ANK2: variants seen among roughly 807,000 people sequenced by gnomAD.
ANK2 encodes the protein ankyrin 2.
In ANK2, 83 loss-of-function variants were observed where a neutral mutation model predicts 360.5. That is an observed-to-expected ratio of 0.23 (90% CI 0.19 to 0.28). ANK2 has a LOEUF of 0.28. Ranked by LOEUF, ANK2 falls within the 10% of genes least tolerant of loss-of-function variation. The probability of loss-of-function intolerance (pLI) is 1.00; values close to 1 mark genes in which losing one functional copy is unlikely to be tolerated. For synonymous variants in ANK2, 1,740 were observed against 1,759.5 expected (o/e 0.99, Z 0.28); for missense variants, 4,201 against 4,795.7 (o/e 0.88, Z 3.66).
At chr4:113,282,325 G>T (rs185490496) in intron 17 of ANK2, among the ~76,000 whole-genome samples, 67 of 152,256 alleles carry the variant, frequency 4.4e-4, no homozygotes, top group African/African-American at 1.6e-3. Flanking sequence ...GAAAACTAAA[G>T]GTGGATATGA....
chr4:113,274,786 C>T (rs976993679), intron 15 of ANK2, 137 bp downstream of exon 15: 4 of 886,212 alleles, frequency 4.5e-6, no homozygotes, highest in South Asian at 3.0e-5. Flanking sequence ...ATTTAAGACT[C>T]ATTGTCTAAA....
At chr4:112,958,472 C>A (rs886447261) in intron 2 of ANK2, among the ~76,000 whole-genome samples, 1 of 152,148 alleles carries the variant, frequency 6.6e-6, no homozygotes, top group Non-Finnish European at 1.5e-5. Context: ...CGTGCGCCTG[C>A]AATCGCAGGC....
intron 1 of ANK2, among the ~76,000 whole-genome samples, chr4:112,855,246 C>T (rs1437117990): frequency 1.3e-5 from 2 of 152,188 alleles, no homozygotes; most frequent in African/African-American, 2.4e-5. Flanking sequence ...GCACTGCTGG[C>T]CCAGAGCTGT....
intron 4 of ANK2, among the ~76,000 whole-genome samples, chr4:113,215,865 T>C (rs2099079862): frequency 6.6e-6 from 1 of 152,182 alleles, no homozygotes; most frequent in Non-Finnish European, 1.5e-5. Context: ...TTTTCTATCT[T>C]CTATTATTTT....
intron 1 of ANK2, among the ~76,000 whole-genome samples, chr4:112,847,479 C>CT (rs1435934924): frequency 1.3e-5 from 2 of 152,154 alleles, no homozygotes; most frequent in African/African-American, 4.8e-5. Context: ...TAAAAAAACT[C>CT]TATCTTGTAT....
At chr4:113,023,763 C>A (rs950358669) in intron 2 of ANK2, among the ~76,000 whole-genome samples, 2 of 152,184 alleles carry the variant, frequency 1.3e-5, no homozygotes, top group Admixed American at 6.5e-5. Context: ...ATCTACAGCA[C>A]CTACATCAGT....
chr4:112,890,556 G>GTTT (rs754680934), intron 1 of ANK2, among the ~76,000 whole-genome samples: 876 of 67,468 alleles, frequency 0.013, 193 homozygotes, highest in East Asian at 0.046. Context: ...CATTTCTGTG[G>GTTT]TTTTTTTTTT....
intron 43 of ANK2, among the ~76,000 whole-genome samples, chr4:113,371,145 G>T (rs976994167): frequency 6.6e-6 from 1 of 152,160 alleles, no homozygotes; most frequent in East Asian, 1.9e-4. Context: ...TGAAATTTTG[G>T]GGGGCAAATA....
intron 1 of ANK2, among the ~76,000 whole-genome samples, chr4:112,895,317 C>G (rs2081399683): frequency 6.6e-6 from 1 of 152,176 alleles, no homozygotes; most frequent in Non-Finnish European, 1.5e-5. Context: ...GAACTTGATA[C>G]ACTCACCATA....
the ANK2 span, among the ~76,000 whole-genome samples, chr4:112,750,295 AG>A: frequency 1.3e-5 from 2 of 151,728 alleles, no homozygotes; most frequent in East Asian, 3.9e-4. Flanking sequence ...TGGGAGGTGG[AG>A]GTTGCAGTGA....
the ANK2 span, among the ~76,000 whole-genome samples, chr4:112,747,129 T>G: frequency 6.6e-6 from 1 of 152,212 alleles, no homozygotes; most frequent in Non-Finnish European, 1.5e-5. Flanking sequence ...TAAGTCATAA[T>G]GAAGAGTATC....
At chr4:112,711,174 G>A in the ANK2 span, among the ~76,000 whole-genome samples, 2 of 148,510 alleles carry the variant, frequency 1.3e-5, no homozygotes, top group Non-Finnish European at 3.0e-5. Flanking sequence ...GCTCACGCCT[G>A]TAATCCTAGC....
At chr4:112,989,592 A>G (rs1035581888) in intron 2 of ANK2, among the ~76,000 whole-genome samples, 1 of 152,214 alleles carries the variant, frequency 6.6e-6, no homozygotes, top group Admixed American at 6.5e-5. Context: ...TTAAGAAACA[A>G]CACAGTGGGG....
intron 1 of ANK2, among the ~76,000 whole-genome samples, chr4:112,878,153 C>CTTA (rs2075660793): frequency 5.7e-5 from 3 of 52,944 alleles, no homozygotes; most frequent in African/African-American, 3.1e-4. Context: ...TAACTTTAGA[C>CTTA]TCATCTATCT....
chr4:112,847,779 A>G (rs2063671979), intron 1 of ANK2, among the ~76,000 whole-genome samples: 1 of 152,210 alleles, frequency 6.6e-6, no homozygotes, highest in Non-Finnish European at 1.5e-5. Flanking sequence ...GGGTAGTTTG[A>G]AAATTGCTGG....
At chr4:112,779,782 A>G in the ANK2 span, among the ~76,000 whole-genome samples, 1 of 152,244 alleles carries the variant, frequency 6.6e-6, no homozygotes, top group Non-Finnish European at 1.5e-5. Context: ...ATCCTAAAGT[A>G]GGAGGAAAAT....
At chr4:113,217,194 A>G (rs1037139477) in intron 4 of ANK2, 1 of 152,162 alleles carries the variant, frequency 6.6e-6, no homozygotes, top group Non-Finnish European at 1.5e-5. Flanking sequence ...AACAAAAAGC[A>G]AGTTCTCCTT....
intron 2 of ANK2, among the ~76,000 whole-genome samples, chr4:113,016,617 G>T (rs759882692): frequency 6.6e-6 from 1 of 152,004 alleles, no homozygotes; most frequent in Non-Finnish European, 1.5e-5. Flanking sequence ...TCCACCTCTT[G>T]TGACAAGAGT....
rs552456788 is a variant in ANK2 at position 113,038,138 on chromosome 4, G to A, written c.21+133624G>A. On this transcript the variant is annotated intron_variant, in intron 2 of 30. Transcript: ENST00000503271. ...TTTAAGGCTGTTACGAGGTCATATA[G>A]ATGTTACGTAGAAGAGGAGGGGCCA... Among the ~76,000 whole-genome samples the A allele has an allele frequency of 3.8e-4, 57 of 151,862 alleles. 1 individual carries two copies. The South Asian group carries it at 0.012, about 31-fold the overall frequency.
Sources: allele counts gnomAD v4.1 joint callset (sites outside exome capture counted in the v4.1 genomes callset), GRCh38; gene constraint gnomAD v4.1.1; transcripts MANE v1.5; gene names NCBI Gene and HGNC (gene_info 2026-07-23, HGNC 2026-07-21).